The following SDK1 variants were observed in gnomAD, a reference collection of about 807,000 sequenced individuals.
SDK1 encodes the protein sidekick cell adhesion molecule 1.
SDK1 carries 157 observed loss-of-function variants against 245.5 expected under a neutral mutation model. The ratio of observed to expected loss-of-function variants is 0.64; its 90% CI spans 0.56 to 0.73. The LOEUF is 0.73. SDK1 is among the 30% of genes least tolerant of loss of function. The pLI is 0.00. For synonymous variants in SDK1, 1,647 were observed against 1,278.5 expected (o/e 1.29, Z -6.15); for missense variants, 3,583 against 3,002.3 (o/e 1.19, Z -4.52).
In SDK1 at chr7:4,211,386, G is replaced by T. The variant is rs573111931; in HGVS notation, c.5539+1224G>T. Reference sequence around the variant, plus strand: ...CCAGGGAGTGAGGAGGCCGGCCGGGGCTGTGGCATCATCCTACAGGAGAGC... The same window carrying T: ...CCAGGGAGTGAGGAGGCCGGCCGGGTCTGTGGCATCATCCTACAGGAGAGC... On this transcript the variant is annotated intron_variant, in intron 38 of 44. Coordinates refer to ENST00000404826, the MANE Select transcript of SDK1 (RefSeq NM_152744.4). Among the ~76,000 whole-genome samples the T allele has an allele frequency of 1.6e-4, 24 of 152,212 alleles. 1 individual carries two copies. The highest frequency in any genetic ancestry group is 5.8e-4 in the African/African-American group (24 of 41,540).
At chr7:3,917,769 T>G (rs936595134) in intron 5 of SDK1, among the ~76,000 whole-genome samples, 5 of 152,190 alleles carry the variant, frequency 3.3e-5, no homozygotes, top group Non-Finnish European at 7.4e-5. Context: ...TCTGACAGGC[T>G]TCTCTCCTGC....
chr7:3,738,712 C>A (rs1367329449), intron 4 of SDK1, among the ~76,000 whole-genome samples: 2 of 152,040 alleles, frequency 1.3e-5, no homozygotes, highest in African/African-American at 4.8e-5. Flanking sequence ...TTTCAGAAAT[C>A]TTTTGTAGTT....
chr7:3,664,225 G>C (rs1419076076), intron 4 of SDK1, among the ~76,000 whole-genome samples: 1 of 152,078 alleles, frequency 6.6e-6, no homozygotes, highest in Non-Finnish European at 1.5e-5. Context: ...GCAAGTCAGA[G>C]GTGTGCGGAG....
intron 44 of SDK1, among the ~76,000 whole-genome samples, chr7:4,262,315 C>T (rs146806872): frequency 8.2e-4 from 125 of 152,022 alleles, no homozygotes; most frequent in African/African-American, 2.7e-3. Context: ...CTCAGCCACC[C>T]AAAGTCCACT....
At chr7:3,820,820 G>A (rs12701193) in intron 4 of SDK1, among the ~76,000 whole-genome samples, 17,732 of 152,152 alleles carry the variant, frequency 0.12, 1,757 homozygotes, top group African/African-American at 0.27. Flanking sequence ...TGAATGAGAA[G>A]GTCTTGGTCA....
At chr7:3,677,680 G>A (rs780174558) in intron 4 of SDK1, among the ~76,000 whole-genome samples, 2 of 152,292 alleles carry the variant, frequency 1.3e-5, no homozygotes, top group Middle Eastern at 3.4e-3. Context: ...TGTAAAGACA[G>A]TGTTTATGAA....
At chr7:3,630,610 T>G (rs989123857) in intron 2 of SDK1, among the ~76,000 whole-genome samples, 4 of 152,068 alleles carry the variant, frequency 2.6e-5, no homozygotes, top group Non-Finnish European at 4.4e-5. Context: ...CCCTCCAGCT[T>G]GGGTGACAGA....
intron 28 of SDK1, among the ~76,000 whole-genome samples, chr7:4,144,345 G>A (rs867746742): frequency 2.6e-4 from 40 of 152,276 alleles, no homozygotes; most frequent in South Asian, 6.2e-4. Context: ...CAGCGGCTGC[G>A]ACAGCCACTC....
At chr7:4,088,025 C>T (rs1256110147) in intron 22 of SDK1, among the ~76,000 whole-genome samples, 2 of 152,182 alleles carry the variant, frequency 1.3e-5, no homozygotes, top group Non-Finnish European at 2.9e-5. Context: ...GTTTAATTCT[C>T]ATAATGGCTC....
At chr7:4,051,511 C>G in intron 18 of SDK1, 127 bp from the exon 19 acceptor site, 1 of 756,966 alleles carries the variant, frequency 1.3e-6, no homozygotes, top group Non-Finnish European at 2.1e-6. Flanking sequence ...TTATAAAATG[C>G]AGGATTTATG....
intron 4 of SDK1, among the ~76,000 whole-genome samples, chr7:3,812,481 A>G (rs992347370): frequency 5.9e-5 from 9 of 152,346 alleles, no homozygotes; most frequent in East Asian, 5.8e-4. Flanking sequence ...GAGACAGTCA[A>G]TATAGAAGAG....
intron 1 of SDK1, among the ~76,000 whole-genome samples, chr7:3,587,670 T>C (rs1054869382): frequency 3.9e-5 from 6 of 152,240 alleles, no homozygotes. Flanking sequence ...ATTCAGATGC[T>C]GATCTTCTCC....
intron 1 of SDK1, among the ~76,000 whole-genome samples, chr7:3,418,171 G>C (rs1480331409): frequency 8.7e-6 from 1 of 114,602 alleles, no homozygotes; most frequent in Non-Finnish European, 1.7e-5. Context: ...AAAAAAAATA[G>C]CTGAGCTGGG....
At chr7:3,490,141 G>T (rs1030393642) in intron 1 of SDK1, among the ~76,000 whole-genome samples, 1 of 152,152 alleles carries the variant, frequency 6.6e-6, no homozygotes. Flanking sequence ...TGAAACTATG[G>T]ACTACTAGTA....
At chr7:3,327,432 C>A (rs59719823) in intron 1 of SDK1, among the ~76,000 whole-genome samples, 32,119 of 151,926 alleles carry the variant, frequency 0.21, 3,647 homozygotes, top group African/African-American at 0.31. Context: ...TGGAAGCAAG[C>A]GACTGGTTTT....
intron 1 of SDK1, among the ~76,000 whole-genome samples, chr7:3,467,406 A>G (rs1781042281): frequency 6.6e-6 from 1 of 152,096 alleles, no homozygotes; most frequent in Non-Finnish European, 1.5e-5. Flanking sequence ...ATATGTAGAA[A>G]TATAAAACCA....
At chr7:3,700,915 C>A (rs1241712980) in intron 4 of SDK1, among the ~76,000 whole-genome samples, 1 of 151,996 alleles carries the variant, frequency 6.6e-6, no homozygotes, top group African/African-American at 2.4e-5. Flanking sequence ...GGAACCCATT[C>A]TCTTAGTTTT....
At chr7:3,534,284 T>G (rs754955756) in intron 1 of SDK1, among the ~76,000 whole-genome samples, 1 of 152,194 alleles carries the variant, frequency 6.6e-6, no homozygotes, top group Non-Finnish European at 1.5e-5. Context: ...TCTTTACCCA[T>G]TCATCTGTCA....
intron 1 of SDK1, among the ~76,000 whole-genome samples, chr7:3,378,998 C>G (rs939632902): frequency 1.3e-5 from 2 of 152,104 alleles, no homozygotes; most frequent in South Asian, 2.1e-4. Flanking sequence ...TCCAGCTTCT[C>G]GTTAATTACT....
Sources: gnomAD v4.1 joint callset for allele counts (sites outside exome capture counted in the v4.1 genomes callset) on GRCh38, gnomAD v4.1.1 for gene constraint, MANE v1.5 for transcripts, NCBI Gene and HGNC (gene_info 2026-07-23, HGNC 2026-07-21) for gene names.